SSBP3: variants seen among roughly 807,000 people sequenced by gnomAD.
SSBP3 encodes the protein single-stranded DNA-binding protein 3.
SSBP3 carries 5 observed loss-of-function variants against 69.6 expected under a neutral mutation model. The observed-to-expected ratio is 0.07, with a 90% CI of 0.04 to 0.15. SSBP3 has a LOEUF of 0.15. SSBP3 is among the 10% of genes least tolerant of loss of function. SSBP3 has a pLI of 1.00. For synonymous variants in SSBP3, 196 were observed against 193.4 expected (o/e 1.01, Z -0.11); for missense variants, 312 against 534.0 (o/e 0.58, Z 4.10).
chr1:54,290,988 C>T (rs1217981675), intron 4 of SSBP3, among the ~76,000 whole-genome samples: 1 of 152,214 alleles, frequency 6.6e-6, no homozygotes, highest in Non-Finnish European at 1.5e-5. Flanking sequence ...CAACCACAAA[C>T]ATGTCATAGT....
At chr1:54,279,886 C>T (rs892748430) in intron 5 of SSBP3, among the ~76,000 whole-genome samples, 1 of 152,252 alleles carries the variant, frequency 6.6e-6, no homozygotes, top group African/African-American at 2.4e-5. Flanking sequence ...TAACTCTCAA[C>T]CCATCTTTAA....
chr1:54,378,425 A>G (rs540866596), intron 4 of SSBP3, among the ~76,000 whole-genome samples: 3 of 152,302 alleles, frequency 2.0e-5, no homozygotes, highest in Admixed American at 6.5e-5. Context: ...AACCACTCAG[A>G]GCAGGACAAA....
chr1:54,248,584 G>T (rs1644772060), intron 9 of SSBP3, among the ~76,000 whole-genome samples: 1 of 152,108 alleles, frequency 6.6e-6, no homozygotes, highest in Admixed American at 6.5e-5. Context: ...AGGGAACAGG[G>T]AGAGTCTGCC....
chr1:54,338,850 A>G (rs1389437593), intron 4 of SSBP3, among the ~76,000 whole-genome samples: 4 of 152,248 alleles, frequency 2.6e-5, no homozygotes, highest in Admixed American at 1.3e-4. Flanking sequence ...GCTGTGAGCC[A>G]ACAGGGTATT....
intron 4 of SSBP3, among the ~76,000 whole-genome samples, chr1:54,372,602 G>C (rs961517030): frequency 6.6e-6 from 1 of 152,132 alleles, no homozygotes; most frequent in African/African-American, 2.4e-5. Flanking sequence ...CATCCCCCTA[G>C]TGCCATACCT....
intron 3 of SSBP3, among the ~76,000 whole-genome samples, chr1:54,402,279 A>G (rs576022550): frequency 6.2e-4 from 94 of 152,332 alleles, no homozygotes; most frequent in African/African-American, 2.2e-3. Flanking sequence ...CCAAGGGGTT[A>G]GTAGAACCTA....
In SSBP3 at chr1:54,396,124, G is replaced by A. The variant is rs189559584; in HGVS notation, c.276+5737C>T. On this transcript the variant is annotated intron_variant, in intron 4 of 17. Transcript: ENST00000610401. ...GGAGAATCACTTGAACCCGGGAGGCGGAGGCTGCAGTGAGCCAAGATCGCG... is the reference window on the plus strand; with the variant it reads ...GGAGAATCACTTGAACCCGGGAGGCAGAGGCTGCAGTGAGCCAAGATCGCG... 1.9e-3 allele frequency among the ~76,000 whole-genome samples: 292 copies of A among 149,784 alleles called. 4 individuals are homozygous for A. The highest frequency in any genetic ancestry group is 6.9e-3 in the Middle Eastern group (2 of 288).
At chr1:54,348,403 G>A (rs924340469) in intron 4 of SSBP3, among the ~76,000 whole-genome samples, 1 of 152,138 alleles carries the variant, frequency 6.6e-6, no homozygotes, top group Non-Finnish European at 1.5e-5. Context: ...CCCTCAGCCA[G>A]TCACATGCTT....
intron 4 of SSBP3, among the ~76,000 whole-genome samples, chr1:54,387,685 T>A (rs1490603625): frequency 1.3e-5 from 2 of 152,222 alleles, no homozygotes; most frequent in Non-Finnish European, 2.9e-5. Flanking sequence ...AGATTTTAAT[T>A]TAGTCAGTTA....
intron 4 of SSBP3, among the ~76,000 whole-genome samples, chr1:54,300,953 C>G (rs972811224): frequency 6.6e-6 from 1 of 152,226 alleles, no homozygotes; most frequent in Admixed American, 6.5e-5. Context: ...TTCCAACATC[C>G]CAAATGCTCT....
At chr1:54,240,047 G>GGT (rs71066910) in intron 13 of SSBP3, among the ~76,000 whole-genome samples, 3,318 of 77,294 alleles carry the variant, frequency 0.043, 51 homozygotes, top group Middle Eastern at 0.066. Context: ...ATTGTGATGG[G>GGT]GTGTGTGTGT....
intron 4 of SSBP3, among the ~76,000 whole-genome samples, chr1:54,348,160 G>C (rs771937797): frequency 6.8e-6 from 1 of 146,442 alleles, no homozygotes; most frequent in African/African-American, 2.5e-5. Context: ...TCGGGTGGCG[G>C]ACTCTGCCCC....
At chr1:54,355,167 T>C (rs1646843684) in intron 4 of SSBP3, among the ~76,000 whole-genome samples, 1 of 152,106 alleles carries the variant, frequency 6.6e-6, no homozygotes, top group Admixed American at 6.5e-5. Context: ...CCAACAAACG[T>C]CTGATGAGAG....
chr1:54,331,899 C>T (rs1646417058), intron 4 of SSBP3, among the ~76,000 whole-genome samples: 1 of 152,246 alleles, frequency 6.6e-6, no homozygotes, highest in Admixed American at 6.5e-5. Flanking sequence ...GTCTTTCCCA[C>T]CAGTCCATGT....
At chr1:54,254,458 ACT>A (rs1377182718) in intron 7 of SSBP3, among the ~76,000 whole-genome samples, 1 of 151,876 alleles carries the variant, frequency 6.6e-6, no homozygotes, top group Non-Finnish European at 1.5e-5. Context: ...AAAAACAGCA[ACT>A]CTCTATGCAC....
chr1:54,294,139 T>C (rs1478370377), intron 4 of SSBP3, among the ~76,000 whole-genome samples: 2 of 21,396 alleles, frequency 9.3e-5, no homozygotes, highest in East Asian at 4.0e-3. Context: ...TGAGACTCCA[T>C]CTCAAAAAAA....
chr1:54,314,645 A>C (rs1646063804), intron 4 of SSBP3, among the ~76,000 whole-genome samples: 1 of 152,252 alleles, frequency 6.6e-6, no homozygotes, highest in African/African-American at 2.4e-5. Context: ...TATGAACTTA[A>C]ATATTTCCTT....
chr1:54,259,759 C>T (rs537777442), intron 5 of SSBP3, among the ~76,000 whole-genome samples: 3 of 152,280 alleles, frequency 2.0e-5, no homozygotes, highest in East Asian at 1.9e-4. Context: ...AACCCGAGGG[C>T]GCCGCCGCTG....
chr1:54,356,344 C>G (rs369183158), intron 4 of SSBP3: 1 of 152,362 alleles, frequency 6.6e-6, no homozygotes, highest in East Asian at 1.9e-4. Context: ...CCGCACACTT[C>G]CACCTTTCCT....
Sources: allele counts gnomAD v4.1 joint callset (sites outside exome capture counted in the v4.1 genomes callset), GRCh38; gene constraint gnomAD v4.1.1; transcripts MANE v1.5; gene names NCBI Gene and HGNC (gene_info 2026-07-23, HGNC 2026-07-21).